Variants in RAB38 observed in about 807,000 individuals in gnomAD.
RAB38 encodes the protein RAB38, member RAS oncogene family.
In RAB38, 15 loss-of-function variants were observed where a neutral mutation model predicts 18.4. The ratio of observed to expected loss-of-function variants is 0.82; its 90% CI spans 0.55 to 1.26. The LOEUF is 1.26. Ranked by LOEUF, RAB38 falls within the 50% of genes most tolerant of loss-of-function variation. RAB38 has a pLI of 0.00. For synonymous variants in RAB38, 101 were observed against 104.4 expected (o/e 0.97, Z 0.20); for missense variants, 294 against 267.4 (o/e 1.10, Z -0.69).
At chr11:87,937,350 A>T in the RAB38 span, among the ~76,000 whole-genome samples, 2 of 111,412 alleles carry the variant, frequency 1.8e-5, no homozygotes, top group Non-Finnish European at 4.0e-5. Context: ...ATATATATAT[A>T]TCATAATTCT....
the RAB38 span, among the ~76,000 whole-genome samples, chr11:87,866,955 A>G: frequency 6.6e-6 from 1 of 151,824 alleles, no homozygotes; most frequent in Non-Finnish European, 1.5e-5. Context: ...AGTTGGATAA[A>G]TGAGAAACAT....
At chr11:88,074,328 G>A in the RAB38 span, among the ~76,000 whole-genome samples, 6,401 of 152,188 alleles carry the variant, frequency 0.042, 204 homozygotes, top group East Asian at 0.16. Flanking sequence ...AACAACAATA[G>A]CTACAGCAGC....
chr11:87,952,980 CATAAAACATTTAAAA>C, the RAB38 span, among the ~76,000 whole-genome samples: 1 of 151,822 alleles, frequency 6.6e-6, no homozygotes, highest in Non-Finnish European at 1.5e-5. Context: ...AACATTTAAA[CATAAAACATTTAAAA>C]CATTAAAATT....
At chr11:88,012,808 C>T in the RAB38 span, among the ~76,000 whole-genome samples, 1 of 152,094 alleles carries the variant, frequency 6.6e-6, no homozygotes, top group Non-Finnish European at 1.5e-5. Context: ...AACAAATAAG[C>T]CGAATCTGAT....
At chr11:87,972,915 A>G in the RAB38 span, among the ~76,000 whole-genome samples, 1 of 151,956 alleles carries the variant, frequency 6.6e-6, no homozygotes, top group Non-Finnish European at 1.5e-5. Context: ...TGCTGTTCTT[A>G]TGATAATGAA....
the RAB38 span, among the ~76,000 whole-genome samples, chr11:87,843,712 G>C: frequency 5.9e-5 from 9 of 152,142 alleles, no homozygotes; most frequent in Admixed American, 4.6e-4. Flanking sequence ...ACTTTGCAAG[G>C]CTGTTGTGAG....
the RAB38 span, among the ~76,000 whole-genome samples, chr11:87,905,107 C>T: frequency 6.6e-6 from 1 of 151,424 alleles, no homozygotes; most frequent in African/African-American, 2.4e-5. Flanking sequence ...GCTTCTATTT[C>T]CCCGTATTCA....
chr11:88,166,950 AAACTTTATTG>A (rs1270315817), intron 1 of RAB38: 23 of 152,302 alleles, frequency 1.5e-4, no homozygotes, highest in African/African-American at 5.5e-4. Context: ...GTTGACTGAA[AAACTTTATTG>A]AACAAATACT....
chr11:88,107,444 T>C, the RAB38 span, among the ~76,000 whole-genome samples: 1 of 152,174 alleles, frequency 6.6e-6, no homozygotes, highest in Non-Finnish European at 1.5e-5. Flanking sequence ...AGTAGTATCA[T>C]AATATCTACA....
chr11:87,814,601 G>C, the RAB38 span, among the ~76,000 whole-genome samples: 1 of 152,180 alleles, frequency 6.6e-6, no homozygotes, highest in African/African-American at 2.4e-5. Context: ...TCAGCTTTGG[G>C]TGTTGATGGT....
chr11:88,153,184 T>C (rs1943084131), intron 1 of RAB38, among the ~76,000 whole-genome samples: 1 of 152,236 alleles, frequency 6.6e-6, no homozygotes, highest in Non-Finnish European at 1.5e-5. Context: ...TGTATTTCTC[T>C]CCCTGAGACT....
the RAB38 span, among the ~76,000 whole-genome samples, chr11:88,004,018 C>A: frequency 7.7e-6 from 1 of 129,790 alleles, no homozygotes; most frequent in East Asian, 2.2e-4. Context: ...GTATATGTAC[C>A]TTCTCTTCTA....
At chr11:88,118,778 G>A (rs997189164) in intron 2 of RAB38, among the ~76,000 whole-genome samples, 4 of 152,128 alleles carry the variant, frequency 2.6e-5, no homozygotes, top group African/African-American at 9.7e-5. Context: ...CATTGGTACT[G>A]ATCAGCAAGT....
intron 2 of RAB38, chr11:88,115,396 CT>C (rs1242383271): frequency 6.6e-6 from 1 of 152,156 alleles, no homozygotes; most frequent in Non-Finnish European, 1.5e-5. Context: ...AGTCATATTA[CT>C]TGGAAAATAT....
At chr11:88,109,566 T>C (rs952219542), downstream of RAB38, among the ~76,000 whole-genome samples, 3 of 152,096 alleles carry the variant, frequency 2.0e-5, no homozygotes, top group South Asian at 2.1e-4. Context: ...AAAGAAACTA[T>C]CATCAGAGTG....
the RAB38 span, among the ~76,000 whole-genome samples, chr11:87,808,935 TA>T: frequency 1.3e-5 from 2 of 152,116 alleles, no homozygotes; most frequent in African/African-American, 4.8e-5. Context: ...ACATGCATGT[TA>T]AAAAGTAACC....
chr11:88,068,308 GT>G, the RAB38 span, among the ~76,000 whole-genome samples: 5 of 152,122 alleles, frequency 3.3e-5, no homozygotes, highest in Admixed American at 1.3e-4. Context: ...TATAATCTGA[GT>G]TTTTTGTTAA....
At chr11:88,031,363 T>A in the RAB38 span, among the ~76,000 whole-genome samples, 3 of 148,228 alleles carry the variant, frequency 2.0e-5, no homozygotes, top group African/African-American at 7.4e-5. Flanking sequence ...AACATAGTGT[T>A]GGAAGTTCTG....
At chr11:87,825,443 CTCT>C in the RAB38 span, among the ~76,000 whole-genome samples, 1 of 152,096 alleles carries the variant, frequency 6.6e-6, no homozygotes, top group Non-Finnish European at 1.5e-5. Context: ...CTCGAAGTCC[CTCT>C]TCTTGTCTCT....
Sources: gnomAD v4.1 joint callset for allele counts (sites outside exome capture counted in the v4.1 genomes callset) on GRCh38, gnomAD v4.1.1 for gene constraint, MANE v1.5 for transcripts, NCBI Gene and HGNC (gene_info 2026-07-23, HGNC 2026-07-21) for gene names.